Variants in DOCK1 observed in about 807,000 individuals in gnomAD.
The protein encoded by DOCK1 is dedicator of cytokinesis protein 1.
Under a neutral mutation model 262.7 loss-of-function variants are expected in DOCK1, and 138 were observed. That is an observed-to-expected ratio of 0.53 (90% CI 0.46 to 0.61). The LOEUF is 0.61. Among genes scored for constraint, DOCK1 ranks in the 20% least tolerant of loss-of-function variants. DOCK1 has a pLI of 0.00. For missense variants in DOCK1, 1,908 were observed against 2,370.7 expected (o/e 0.80, Z 4.05); for synonymous variants, 866 against 867.4 (o/e 1.00, Z 0.03).
chr10:127,107,929 T>C (rs1187665307), intron 24 of DOCK1, among the ~76,000 whole-genome samples: 1 of 152,208 alleles, frequency 6.6e-6, no homozygotes, highest in Non-Finnish European at 1.5e-5. Context: ...GAGCCGGGCC[T>C]GTCCTCACTG....
intron 40 of DOCK1, among the ~76,000 whole-genome samples, chr10:127,405,737 T>C (rs1331890168): frequency 1.3e-5 from 2 of 152,140 alleles, no homozygotes; most frequent in Non-Finnish European, 2.9e-5. Flanking sequence ...TCTGGCCTGC[T>C]CTAGGAGGTG....
At chr10:127,151,027 G>A (rs2052436296) in intron 27 of DOCK1, among the ~76,000 whole-genome samples, 1 of 152,154 alleles carries the variant, frequency 6.6e-6, no homozygotes, top group African/African-American at 2.4e-5. Flanking sequence ...TTAGGTACGT[G>A]TCAATTTTTT....
At chr10:127,162,995 G>T (rs34543669) in intron 27 of DOCK1, among the ~76,000 whole-genome samples, 4,223 of 152,252 alleles carry the variant, frequency 0.028, 81 homozygotes, top group Non-Finnish European at 0.045. Flanking sequence ...GTTCTAACCC[G>T]CATGCAAACC....
chr10:127,241,367 C>T (rs2059259303), intron 27 of DOCK1, among the ~76,000 whole-genome samples: 1 of 152,080 alleles, frequency 6.6e-6, no homozygotes, highest in Non-Finnish European at 1.5e-5. Flanking sequence ...TTTTACTTCT[C>T]TTACATTTTC....
At chr10:127,018,993 G>A in intron 13 of DOCK1, 158 bp downstream of exon 13, 2 of 1,136,200 alleles carry the variant, frequency 1.8e-6, no homozygotes, top group African/African-American at 3.1e-5. Flanking sequence ...GGATCATGGG[G>A]CTGTGACCGG....
intron 29 of DOCK1, among the ~76,000 whole-genome samples, chr10:127,263,429 C>CCA (rs2060248609): frequency 1.6e-5 from 1 of 62,086 alleles, no homozygotes; most frequent in East Asian, 5.5e-4. Context: ...TCCCAAAGTA[C>CCA]GGTGTTCACT....
intron 23 of DOCK1, among the ~76,000 whole-genome samples, chr10:127,069,530 A>G (rs1392406214): frequency 4.6e-5 from 7 of 152,098 alleles, no homozygotes; most frequent in African/African-American, 1.7e-4. Flanking sequence ...TGAGTGGAGG[A>G]GGGGGTGCAC....
At chr10:127,333,412 G>T (rs576078937) in intron 29 of DOCK1, among the ~76,000 whole-genome samples, 4 of 152,276 alleles carry the variant, frequency 2.6e-5, no homozygotes, top group African/African-American at 7.2e-5. Flanking sequence ...GGGCCTGAGG[G>T]TCTGTCATAA....
At chr10:127,356,830 C>T (rs1331070476) in intron 32 of DOCK1, among the ~76,000 whole-genome samples, 1 of 152,166 alleles carries the variant, frequency 6.6e-6, no homozygotes, top group African/African-American at 2.4e-5. Context: ...ACCCTGGCCC[C>T]TCCTAAAAGA....
At chr10:126,980,117 G>A (rs1464188812) in intron 3 of DOCK1, among the ~76,000 whole-genome samples, 4 of 152,150 alleles carry the variant, frequency 2.6e-5, no homozygotes, top group Non-Finnish European at 5.9e-5. Context: ...CTGGGATTTG[G>A]AGGTGTCCCG....
intron 28 of DOCK1, among the ~76,000 whole-genome samples, chr10:127,252,627 C>T (rs2059691612): frequency 6.6e-6 from 1 of 150,702 alleles, no homozygotes; most frequent in Non-Finnish European, 1.5e-5. Context: ...TTCCCAGCAC[C>T]ATTTATTAAA....
chr10:127,295,607 G>A (rs978298772), intron 29 of DOCK1, among the ~76,000 whole-genome samples: 29 of 152,002 alleles, frequency 1.9e-4, no homozygotes, highest in African/African-American at 2.4e-5. Flanking sequence ...GATTGTTTGA[G>A]CCCAGGAATT....
At chr10:127,279,359 G>A (rs2060860511) in intron 29 of DOCK1, among the ~76,000 whole-genome samples, 1 of 152,192 alleles carries the variant, frequency 6.6e-6, no homozygotes, top group Admixed American at 6.5e-5. Flanking sequence ...TTTTTCAGTT[G>A]AGGAAGCTGA....
At chr10:126,907,130 CG>C (rs2031015506) in intron 1 of DOCK1, among the ~76,000 whole-genome samples, 1 of 2,910 alleles carries the variant, frequency 3.4e-4, no homozygotes, top group Admixed American at 0.012. Flanking sequence ...GCATCAGAGG[CG>C]AGAGGTTCGG....
At chr10:127,132,261 T>C (rs2050368677) in intron 27 of DOCK1, among the ~76,000 whole-genome samples, 1 of 152,230 alleles carries the variant, frequency 6.6e-6, no homozygotes, top group African/African-American at 2.4e-5. Flanking sequence ...GTGATTGGAA[T>C]GCGTCTCGTG....
chr10:127,257,298 T>C (rs1225734606), intron 28 of DOCK1, 37 bp from the exon 29 acceptor site: 2 of 1,511,468 alleles, frequency 1.3e-6, no homozygotes, highest in Admixed American at 1.9e-5. Context: ...ACCTTTTTCT[T>C]TGTGGGCCAT....
chr10:127,389,706 T>A (rs1233190275), intron 38 of DOCK1, among the ~76,000 whole-genome samples: 3 of 152,076 alleles, frequency 2.0e-5, no homozygotes, highest in Admixed American at 6.5e-5. Context: ...TCTTGTGAGA[T>A]CTGGGTTGTT....
At chr10:127,226,586 A>G (rs574872894) in intron 27 of DOCK1, among the ~76,000 whole-genome samples, 34 of 152,172 alleles carry the variant, frequency 2.2e-4, no homozygotes, top group African/African-American at 7.9e-4. Context: ...CTACTAAAAA[A>G]TACAACAATT....
rs2069782969 is a variant in DOCK1, at chr10:127,437,608, A to G, written c.5061-1419A>G. ...ATCCTGCCACCTCAGCCTCCTGAGT[A>G]GCTGGGACTATAGGTGCACACCACC... is the stretch of plus-strand genomic sequence containing the variant. On this transcript the variant is annotated intron_variant, in intron 48 of 51. Coordinates refer to ENST00000623213, the MANE Select transcript of DOCK1 (RefSeq NM_001290223.2). The surrounding 1 kb of genome is among the most constrained non-coding windows in gnomAD (Gnocchi z 4.4). Among the ~76,000 whole-genome samples the G allele has an allele frequency of 6.6e-6, 1 of 151,912 alleles. No individual in the cohort carries two copies. The highest frequency in any genetic ancestry group is 1.9e-4 in the East Asian group (1 of 5,140).
Sources: allele counts gnomAD v4.1 joint callset (sites outside exome capture counted in the v4.1 genomes callset), GRCh38; gene constraint gnomAD v4.1.1; non-coding constraint Gnocchi (gnomAD v3.1); transcripts MANE v1.5; gene names NCBI Gene and HGNC (gene_info 2026-07-23, HGNC 2026-07-21).